Variants in SH3PXD2A observed in about 807,000 individuals in gnomAD.
SH3PXD2A encodes the protein SH3 and PX domains 2A.
SH3PXD2A carries 32 observed loss-of-function variants against 115.2 expected under a neutral mutation model. That is an observed-to-expected ratio of 0.28 (90% CI 0.21 to 0.37). SH3PXD2A has a LOEUF of 0.37. Among genes scored for constraint, SH3PXD2A ranks in the 10% least tolerant of loss-of-function variants. The probability of loss-of-function intolerance (pLI) is 1.00; values close to 1 mark genes in which losing one functional copy is unlikely to be tolerated. For missense variants in SH3PXD2A, 1,328 were observed against 1,498.7 expected, an observed-to-expected ratio of 0.89 and a Z score of 1.88; for synonymous variants, 610 against 629.1, an observed-to-expected ratio of 0.97 and a Z score of 0.45.
Position 103,660,927 on chromosome 10 carries a change from T to A in SH3PXD2A, c.604+56A>T. On this transcript the variant is annotated intron_variant, in intron 8 of 14. Coordinates refer to ENST00000369774, the MANE Select transcript of SH3PXD2A (RefSeq NM_001394015.1). ...GGAGGAGGGAGGAACAAAAACCAGC[T>A]CGGCCCGGGGGCCAGACCGGAACCC... 1.9e-6 allele frequency: 3 copies of A among 1,598,388 alleles called. No homozygotes were observed. The South Asian group carries it at 3.3e-5, about 18-fold the overall frequency.
At chr10:103,639,067 G>A (rs1322673772) in intron 8 of SH3PXD2A, among the ~76,000 whole-genome samples, 1 of 152,224 alleles carries the variant, frequency 6.6e-6, no homozygotes, top group Admixed American at 6.5e-5. Flanking sequence ...GGATGAGAAG[G>A]GCGGCTGCTT....
chr10:103,749,357 C>A (rs1791211361), intron 3 of SH3PXD2A, among the ~76,000 whole-genome samples: 1 of 152,248 alleles, frequency 6.6e-6, no homozygotes, highest in African/African-American at 2.4e-5. Context: ...GAGGGTCACG[C>A]TTTGCCCACC....
At chr10:103,818,470 G>C (rs1459439338) in intron 1 of SH3PXD2A, among the ~76,000 whole-genome samples, 1 of 152,166 alleles carries the variant, frequency 6.6e-6, no homozygotes, top group Non-Finnish European at 1.5e-5. Context: ...CCCAGGCTCA[G>C]CAACAAAGAA....
intron 2 of SH3PXD2A, among the ~76,000 whole-genome samples, chr10:103,796,349 C>A (rs1012036862): frequency 1.4e-5 from 2 of 147,668 alleles, no homozygotes; most frequent in East Asian, 4.0e-4. Flanking sequence ...GGCGACACAG[C>A]GAGACCCTGT....
chr10:103,708,695 C>T lies in SH3PXD2A; in HGVS notation c.398+15575G>A, dbSNP rs1564869936. The stretch of plus-strand genomic sequence containing the variant: ...ACCTCCAAACTGCTTGAGCCGCAAT[C>T]CTCAGCCTCAGATCTGCTTCTGGGA... On this transcript the variant is annotated intron_variant, in intron 5 of 14. Transcript: ENST00000369774. Among the ~76,000 whole-genome samples, 3 of 152,320 alleles carry T rather than the reference C, an allele frequency of 2.0e-5. No individual in the cohort carries two copies. The South Asian group carries it at 6.2e-4, about 32-fold the overall frequency.
At chr10:103,704,636 GCTC>G (rs1435878407) in intron 5 of SH3PXD2A, among the ~76,000 whole-genome samples, 1 of 152,238 alleles carries the variant, frequency 6.6e-6, no homozygotes, top group Non-Finnish European at 1.5e-5. Flanking sequence ...TGGCTGCCAT[GCTC>G]CTCACAGCAG....
rs892155234 is a variant in SH3PXD2A at position 103,595,501 on chromosome 10, C to T, written c.*6315G>A. 9 of 152,270 alleles carry T rather than the reference C, an allele frequency of 5.9e-5. No individual in the cohort carries two copies. Among genetic ancestry groups the T allele is most frequent in the Admixed American group, 1.3e-4 (2 of 15,294 alleles). The allele number at this position is 152,270 out of a possible 1,614,324, so 9.4% of individuals were successfully genotyped here. On this transcript the variant is annotated 3_prime_UTR_variant, in exon 15 of 15. Coordinates refer to ENST00000369774, the MANE Select transcript of SH3PXD2A (RefSeq NM_001394015.1). Reference sequence around the variant, plus strand: ...AACATGCACATGCTCTTCTCACCAACGTGCCTCTCACTTGCCTCTAACGTG... The same window carrying T: ...AACATGCACATGCTCTTCTCACCAATGTGCCTCTCACTTGCCTCTAACGTG...
rs117913473 is a variant in SH3PXD2A, at chr10:103,799,346, C to T, written c.153+1936G>A. On this transcript the variant is annotated intron_variant, in intron 2 of 14. Coordinates refer to ENST00000369774, the MANE Select transcript of SH3PXD2A (RefSeq NM_001394015.1). ...CTCATCATGGCAGGTAAAATGGGTTCGTAAAGATGCTATGCTTGGCTCATA... is the reference window on the plus strand; with the variant it reads ...CTCATCATGGCAGGTAAAATGGGTTTGTAAAGATGCTATGCTTGGCTCATA... 3.7e-4 allele frequency among the ~76,000 whole-genome samples: 56 copies of T among 152,354 alleles called. 1 individual carries two copies. In the East Asian group the frequency reaches 9.8e-3, roughly 27 times the overall value.
chr10:103,615,483 G>GGGGTGTGT lies in SH3PXD2A; in HGVS notation c.920+1713_920+1714insACACACCC, dbSNP rs1237824774. Among the ~76,000 whole-genome samples, 49 of 128,602 alleles carry GGGGTGTGT rather than the reference G, an allele frequency of 3.8e-4. 1 individual carries two copies. Among genetic ancestry groups the GGGGTGTGT allele is most frequent in the South Asian group, 1.2e-3 (4 of 3,284 alleles). The allele number at this position is 128,602 out of a possible 152,430, so 84.4% of individuals were successfully genotyped here. On this transcript the variant is annotated intron_variant, in intron 11 of 14. Transcript: ENST00000369774. ...GAAAGGGCGCGATGGAGAGTGCGAG[G>GGGGTGTGT]GTGTGTGTGTGTGTGTGTGTGTGTG...
At position 103,602,448 on chromosome 10, in the gene SH3PXD2A, C is replaced by G. The variant is rs1291774298; in HGVS notation, c.2770G>C (p.Asp924His). 5.6e-6 allele frequency: 9 copies of G among 1,614,048 alleles called. No individual in the cohort carries two copies. The highest frequency in any genetic ancestry group is 7.6e-6 in the Non-Finnish European group (9 of 1,180,018). ...AKGRQNEGKS[D>H]SLEKIERRVQ... is the part of the protein sequence containing the mutation. ...CGCCTCTCGATCTTCTCCAGGCTGT[C>G]TGATTTGCCTTCGTTCTGCCTGCCC... is the stretch of plus-strand genomic sequence containing the variant. Residue 924 changes from aspartate (D) to histidine (H), a missense_variant, in exon 15 of 15, where the codon GAC (aspartate) becomes CAC (histidine). Asp to His is a moderately conservative substitution (Grantham distance 81). Coordinates refer to ENST00000369774, the MANE Select transcript of SH3PXD2A (RefSeq NM_001394015.1).
At position 103,620,147 on chromosome 10, in the gene SH3PXD2A, T is replaced by A. The variant is rs757172362; in HGVS notation, c.802+2323A>T. On this transcript the variant is annotated intron_variant, in intron 10 of 14. Coordinates refer to ENST00000369774, the MANE Select transcript of SH3PXD2A (RefSeq NM_001394015.1). This position sits in a 1 kb window ranked among gnomAD's most constrained non-coding sequence, Gnocchi z 5.3. ...CGGGCAGCTGCATGATTCAGGGTGGTCAGGGTCTTGGGAAGAGATGTCCCG... is the reference window on the plus strand; with the variant it reads ...CGGGCAGCTGCATGATTCAGGGTGGACAGGGTCTTGGGAAGAGATGTCCCG... 6.6e-6 allele frequency among the ~76,000 whole-genome samples: 1 copy of A among 151,582 alleles called. No individual in the cohort carries two copies. Among genetic ancestry groups the A allele is most frequent in the Non-Finnish European group, 1.5e-5 (1 of 67,914 alleles).
chr10:103,823,155 A>G (rs1300686950), intron 1 of SH3PXD2A, among the ~76,000 whole-genome samples: 3 of 152,262 alleles, frequency 2.0e-5, no homozygotes, highest in Non-Finnish European at 2.9e-5. Flanking sequence ...GGCAGGATCC[A>G]TCAAGTTGTC....
At chr10:103,849,525 C>G (rs1168154222) in intron 1 of SH3PXD2A, among the ~76,000 whole-genome samples, 2 of 152,190 alleles carry the variant, frequency 1.3e-5, no homozygotes, top group African/African-American at 4.8e-5. Context: ...TGGTGACTTG[C>G]CTGGGGGTTA....
In SH3PXD2A at chr10:103,754,871, T is replaced by C. The variant is rs535734357; in HGVS notation, c.229+12223A>G. 2.0e-5 allele frequency: 3 copies of C among 152,278 alleles called. No homozygotes were observed. The South Asian group carries it at 6.2e-4, about 32-fold the overall frequency. The allele number at this position is 152,278 out of a possible 1,614,324, so 9.4% of individuals were successfully genotyped here. ...TCATTGCAGGCTCAGTTGTTTGTATTATGTGAATGAACTGAACGTAACCAA... is the reference window on the plus strand; with the variant it reads ...TCATTGCAGGCTCAGTTGTTTGTATCATGTGAATGAACTGAACGTAACCAA... On this transcript the variant is annotated intron_variant, in intron 3 of 14. Transcript: ENST00000369774.
intron 8 of SH3PXD2A, among the ~76,000 whole-genome samples, chr10:103,633,784 CGGGAGAATA>C (rs2036824392): frequency 7.0e-6 from 1 of 143,364 alleles, no homozygotes; most frequent in Non-Finnish European, 1.5e-5. Context: ...GACGGCACAG[CGGGAGAATA>C]GGATTCTAAT....
chr10:103,809,196 G>A (rs1319268917), intron 1 of SH3PXD2A, among the ~76,000 whole-genome samples: 1 of 152,080 alleles, frequency 6.6e-6, no homozygotes, highest in East Asian at 1.9e-4. Context: ...GCAGATTTGG[G>A]GAACAACCAC....
At chr10:103,753,292 C>A (rs2038600116) in intron 3 of SH3PXD2A, among the ~76,000 whole-genome samples, 1 of 118,260 alleles carries the variant, frequency 8.5e-6, no homozygotes, top group Non-Finnish European at 1.7e-5. Flanking sequence ...CCAGCCTGGC[C>A]AACATGGTGA....
chr10:103,733,419 G>T (rs11596328), intron 4 of SH3PXD2A, among the ~76,000 whole-genome samples: 15,654 of 152,168 alleles, frequency 0.1, 939 homozygotes, highest in Non-Finnish European at 0.12. Context: ...CCTTCCTCCC[G>T]CCCTATGCCC....
At chr10:103,776,027 T>C (rs1231924725) in intron 2 of SH3PXD2A, among the ~76,000 whole-genome samples, 1 of 152,150 alleles carries the variant, frequency 6.6e-6, no homozygotes, top group African/African-American at 2.4e-5. Context: ...TCTGTTTCCT[T>C]GCCTTTTTTA....
Sources: gnomAD v4.1 joint callset for allele counts (sites outside exome capture counted in the v4.1 genomes callset) on GRCh38, gnomAD v4.1.1 for gene constraint, Gnocchi (gnomAD v3.1) non-coding constraint, MANE v1.5 for transcripts, NCBI Gene and HGNC (gene_info 2026-07-23, HGNC 2026-07-21) for gene names.